Variants in CAMK2D observed in about 807,000 individuals in gnomAD.
CAMK2D encodes calcium/calmodulin dependent protein kinase II delta.
Under a neutral mutation model 84.0 loss-of-function variants are expected in CAMK2D, and 37 were observed. That is an observed-to-expected ratio of 0.44 (90% CI 0.34 to 0.58). The LOEUF is 0.58. Ranked by LOEUF, CAMK2D falls within the 20% of genes least tolerant of loss-of-function variation. CAMK2D has a pLI of 0.02. For missense variants in CAMK2D, 448 were observed against 652.5 expected (o/e 0.69, Z 3.41); for synonymous variants, 202 against 212.5 (o/e 0.95, Z 0.43).
chr4:113,488,649 G>GT (rs1564570278), intron 16 of CAMK2D, among the ~76,000 whole-genome samples: 1 of 152,104 alleles, frequency 6.6e-6, no homozygotes, highest in Non-Finnish European at 1.5e-5. Flanking sequence ...AGTTTATGTA[G>GT]TTTTTTATAA....
At chr4:113,608,009 A>G (rs2098985258) in intron 4 of CAMK2D, among the ~76,000 whole-genome samples, 1 of 152,212 alleles carries the variant, frequency 6.6e-6, no homozygotes, top group Admixed American at 6.5e-5. Flanking sequence ...AGTTCTAATT[A>G]AGGAATCTTG....
chr4:113,603,376 C>G (rs920054739), intron 4 of CAMK2D, among the ~76,000 whole-genome samples: 1 of 123,934 alleles, frequency 8.1e-6, no homozygotes, highest in Admixed American at 8.3e-5. Flanking sequence ...CCCCTCCCCC[C>G]ACCCCACAAC....
intron 1 of CAMK2D, 51 bp downstream of exon 1, chr4:113,760,953 C>A: frequency 6.2e-7 from 1 of 1,612,850 alleles, no homozygotes; most frequent in Non-Finnish European, 8.5e-7. Flanking sequence ...GGCAACGCGA[C>A]CCGCCCTCAG....
intron 18 of CAMK2D, among the ~76,000 whole-genome samples, chr4:113,459,494 G>A (rs141454339): frequency 5.6e-4 from 85 of 152,108 alleles, no homozygotes; most frequent in African/African-American, 2.0e-3. Flanking sequence ...TAAAGTGTTG[G>A]GATTACTGGC....
At chr4:113,515,314 A>G (rs1055065342) in intron 9 of CAMK2D, 123 bp from the exon 10 acceptor site, 15 of 614,960 alleles carry the variant, frequency 2.4e-5, no homozygotes, top group Non-Finnish European at 3.8e-5. Context: ...CTTTTTATAT[A>G]AGTTAAGTTG....
intron 16 of CAMK2D, among the ~76,000 whole-genome samples, chr4:113,499,264 C>T (rs760542778): frequency 6.6e-6 from 1 of 152,138 alleles, no homozygotes; most frequent in Non-Finnish European, 1.5e-5. Context: ...AATAGACCTA[C>T]TAAATAAAAT....
At chr4:113,518,524 C>A (rs1404788615) in intron 8 of CAMK2D, among the ~76,000 whole-genome samples, 1 of 152,124 alleles carries the variant, frequency 6.6e-6, no homozygotes, top group African/African-American at 2.4e-5. Context: ...AAATATCTCT[C>A]CTGCCACTTT....
chr4:113,710,519 G>A (rs777473521), intron 2 of CAMK2D, among the ~76,000 whole-genome samples: 1 of 152,106 alleles, frequency 6.6e-6, no homozygotes, highest in African/African-American at 2.4e-5. Flanking sequence ...GCTATCAATC[G>A]ATTATTCCTT....
intron 2 of CAMK2D, among the ~76,000 whole-genome samples, chr4:113,706,559 G>A (rs569793227): frequency 6.6e-6 from 1 of 152,302 alleles, no homozygotes; most frequent in East Asian, 1.9e-4. Context: ...AAGTGAAAAG[G>A]AAATGTGGCT....
At chr4:113,707,111 C>T (rs2099461483) in intron 2 of CAMK2D, among the ~76,000 whole-genome samples, 1 of 152,078 alleles carries the variant, frequency 6.6e-6, no homozygotes. Flanking sequence ...TGATAGCGAG[C>T]CACCATTCTC....
intron 8 of CAMK2D, among the ~76,000 whole-genome samples, chr4:113,529,321 A>C (rs1419377903): frequency 6.6e-6 from 1 of 152,232 alleles, no homozygotes; most frequent in Admixed American, 6.5e-5. Flanking sequence ...AGTGAGGAAC[A>C]GCCTATCACT....
chr4:113,596,685 G>A (rs1031526265), intron 4 of CAMK2D, among the ~76,000 whole-genome samples: 3 of 152,034 alleles, frequency 2.0e-5, no homozygotes, highest in African/African-American at 7.2e-5. Context: ...TCCCCCCCAG[G>A]CAGTAGATCT....
chr4:113,502,818 T>G, intron 15 of CAMK2D, 118 bp downstream of exon 15: 1 of 721,286 alleles, frequency 1.4e-6, no homozygotes, highest in Admixed American at 2.1e-5. Context: ...AAAGGAAGTG[T>G]GGTAGAAAAT....
intron 2 of CAMK2D, among the ~76,000 whole-genome samples, chr4:113,706,870 A>C (rs1399674046): frequency 1.3e-5 from 2 of 152,238 alleles, no homozygotes; most frequent in Non-Finnish European, 2.9e-5. Flanking sequence ...GTAAAGAAAG[A>C]AAGCATTTTT....
chr4:113,661,620 A>C (rs2099232535), intron 3 of CAMK2D, 93 bp downstream of exon 3: 2 of 568,288 alleles, frequency 3.5e-6, no homozygotes, highest in Non-Finnish European at 6.1e-6. Context: ...AAAAGTTATA[A>C]ATATTCTAGA....
chr4:113,698,915 G>A (rs965459882), intron 2 of CAMK2D, among the ~76,000 whole-genome samples: 23 of 152,090 alleles, frequency 1.5e-4, no homozygotes, highest in Non-Finnish European at 3.1e-4. Context: ...GTGGAGAAGA[G>A]GGGAATTTCA....
chr4:113,738,843 T>A (rs972855038), intron 2 of CAMK2D, among the ~76,000 whole-genome samples: 1 of 152,270 alleles, frequency 6.6e-6, no homozygotes, highest in African/African-American at 2.4e-5. Context: ...CGAAGCATTT[T>A]ATGAATGATG....
intron 2 of CAMK2D, among the ~76,000 whole-genome samples, chr4:113,671,674 T>G (rs2099285995): frequency 6.6e-6 from 1 of 152,224 alleles, no homozygotes; most frequent in African/African-American, 2.4e-5. Context: ...ACTTCTATGT[T>G]GAGGTATGTT....
chr4:113,598,147 C>G (rs1018278159), intron 4 of CAMK2D, among the ~76,000 whole-genome samples: 5 of 152,156 alleles, frequency 3.3e-5, no homozygotes, highest in Non-Finnish European at 1.5e-5. Context: ...CATAAAGCTA[C>G]AGCAATCAGA....
Sources: gnomAD v4.1 joint callset for allele counts (sites outside exome capture counted in the v4.1 genomes callset) on GRCh38, gnomAD v4.1.1 for gene constraint, MANE v1.5 for transcripts, NCBI Gene and HGNC (gene_info 2026-07-23, HGNC 2026-07-21) for gene names.